The following COL14A1 variants were observed in gnomAD, a reference collection of about 807,000 sequenced individuals.
The protein encoded by COL14A1 is collagen alpha-1(XIV) chain.
A neutral mutation model predicts 230.3 loss-of-function variants in COL14A1; 136 were observed. The ratio of observed to expected loss-of-function variants is 0.59; its 90% confidence interval spans 0.51 to 0.68. The LOEUF (loss-of-function observed/expected upper bound fraction) is 0.68, where lower values mean the gene tolerates loss of function less well. COL14A1 is among the 30% of genes least tolerant of loss of function. The pLI is 0.00. For synonymous variants in COL14A1, 792 were observed against 784.1 expected (o/e 1.01, Z -0.17); for missense variants, 1,976 against 2,215.8 (o/e 0.89, Z 2.17).
chr8:120,250,602 CTCTT>C lies in COL14A1; in HGVS notation c.2603-10_2603-7del, dbSNP rs751833122. 1 of 1,613,776 alleles carries C rather than the reference CTCTT, an allele frequency of 6.2e-7. No homozygotes were observed. On this transcript the variant is annotated splice_polypyrimidine_tract_variant and intron_variant, in intron 21 of 47. Coordinates refer to ENST00000297848, the MANE Select transcript of COL14A1 (RefSeq NM_021110.4). ...TATTTTGTTGTAACTAAAATATATCCTCTTTCTTCTTTAGTTCCTGGTCCAACAC... is the reference window on the plus strand; with the variant it reads ...TATTTTGTTGTAACTAAAATATATCCTCTTCTTTAGTTCCTGGTCCAACAC...
chr8:120,212,812 T>C (rs1817651681), intron 13 of COL14A1, among the ~76,000 whole-genome samples: 1 of 152,184 alleles, frequency 6.6e-6, no homozygotes, highest in Non-Finnish European at 1.5e-5. Flanking sequence ...CCTATGTCTT[T>C]CTTTGTCTAA....
intron 1 of COL14A1, among the ~76,000 whole-genome samples, chr8:120,144,379 A>G (rs1815017894): frequency 6.6e-6 from 1 of 152,196 alleles, no homozygotes. Context: ...AATTATTTCT[A>G]TATTTCAAAG....
At chr8:120,200,069 C>CTATATATAT (rs1817184462) in intron 8 of COL14A1, among the ~76,000 whole-genome samples, 2 of 37,000 alleles carry the variant, frequency 5.4e-5, no homozygotes, top group African/African-American at 4.7e-4. Context: ...ATATAGATAG[C>CTATATATAT]ATACATTCAG....
intron 5 of COL14A1, among the ~76,000 whole-genome samples, chr8:120,179,967 T>C (rs1240639340): frequency 1.3e-5 from 2 of 152,198 alleles, no homozygotes; most frequent in African/African-American, 2.4e-5. Flanking sequence ...TCCTATTTAA[T>C]GGTGTTGGGA....
At chr8:120,308,336 G>A (rs377153107) in intron 36 of COL14A1, among the ~76,000 whole-genome samples, 16 of 152,146 alleles carry the variant, frequency 1.1e-4, no homozygotes, top group Admixed American at 4.6e-4. Flanking sequence ...TTAAATTTCC[G>A]GTAATAAAAG....
intron 1 of COL14A1, among the ~76,000 whole-genome samples, chr8:120,143,658 C>A (rs1334792500): frequency 2.6e-5 from 4 of 151,872 alleles, no homozygotes; most frequent in Admixed American, 6.6e-5. Flanking sequence ...ACACAAAAAA[C>A]TTGGGATTTA....
intron 37 of COL14A1, among the ~76,000 whole-genome samples, chr8:120,311,538 GT>G (rs1821036860): frequency 6.6e-6 from 1 of 152,186 alleles, no homozygotes; most frequent in Admixed American, 6.5e-5. Flanking sequence ...CAAGTGAGTA[GT>G]GGTTTTTGGA....
chr8:120,357,553 C>T (rs1823029517), intron 45 of COL14A1, among the ~76,000 whole-genome samples: 1 of 152,078 alleles, frequency 6.6e-6, no homozygotes, highest in Non-Finnish European at 1.5e-5. Context: ...GAGAGGAATT[C>T]GGCTGTACAC....
rs375388841 is a variant in COL14A1 at position 120,199,468 on chromosome 8, C to A, written c.779C>A (p.Ser260Tyr). ...GAAGCAGGATCAAGGACTGGAGTAT[C>A]CAAAATTGGCATTTTAATCACAGAT... ...KPEAGSRTGV[S>Y]KIGILITDGK... The change falls in exon 8 of 48, where the codon TCC becomes TAC. Residue 260 changes from serine (S) to tyrosine (Y), a missense_variant. Coordinates refer to ENST00000297848, the MANE Select transcript of COL14A1 (RefSeq NM_021110.4). 53 of 1,612,354 alleles carry A rather than the reference C, an allele frequency of 3.3e-5. No homozygotes were observed. Among genetic ancestry groups the A allele is most frequent in the Non-Finnish European group, 4.1e-5 (48 of 1,179,390 alleles).
intron 5 of COL14A1, among the ~76,000 whole-genome samples, chr8:120,182,880 C>A (rs542491479): frequency 2.0e-5 from 3 of 151,862 alleles, no homozygotes; most frequent in African/African-American, 7.2e-5. Context: ...GCGTGTGACA[C>A]CATGCCTGGA....
chr8:120,170,884 T>C (rs1316901867), intron 5 of COL14A1, among the ~76,000 whole-genome samples: 3 of 152,126 alleles, frequency 2.0e-5, no homozygotes, highest in Admixed American at 6.5e-5. Flanking sequence ...ACTCTCTTTG[T>C]GTCTCAAGTT....
chr8:120,165,714 GCT>G (rs1435082294), intron 4 of COL14A1, among the ~76,000 whole-genome samples: 1 of 152,072 alleles, frequency 6.6e-6, no homozygotes, highest in Non-Finnish European at 1.5e-5. Context: ...TGCTTTTATA[GCT>G]CTGTGTTTTA....
chr8:120,204,749 G>C (rs1053211057), intron 9 of COL14A1, among the ~76,000 whole-genome samples: 4 of 152,174 alleles, frequency 2.6e-5, no homozygotes, highest in African/African-American at 9.7e-5. Flanking sequence ...TTTTCATTAA[G>C]ACTGGCCTCC....
chr8:120,347,502 C>T (rs1563397), intron 45 of COL14A1, among the ~76,000 whole-genome samples: 69,369 of 151,908 alleles, frequency 0.46, 16,148 homozygotes, highest in African/African-American at 0.56. Context: ...CAAGGGGCTC[C>T]TCATTCCCGG....
chr8:120,282,171 C>T (rs1219232363), intron 31 of COL14A1, among the ~76,000 whole-genome samples: 2 of 152,116 alleles, frequency 1.3e-5, no homozygotes, highest in African/African-American at 4.8e-5. Context: ...ATGATGAGTT[C>T]ATGTCCTTTG....
intron 5 of COL14A1, among the ~76,000 whole-genome samples, 159 bp downstream of exon 5, chr8:120,168,406 G>A (rs1194225728): frequency 1.3e-5 from 2 of 152,098 alleles, no homozygotes; most frequent in Non-Finnish European, 2.9e-5. Context: ...TCCCACACAA[G>A]ATGACCCCCA....
intron 39 of COL14A1, 90 bp downstream of exon 39, chr8:120,315,676 A>G: frequency 9.0e-7 from 1 of 1,115,414 alleles, no homozygotes; most frequent in Non-Finnish European, 1.3e-6. Context: ...GTCAGTTGTG[A>G]TCTTGGTAAG....
At chr8:120,339,069 C>T (rs1822188943) in intron 42 of COL14A1, among the ~76,000 whole-genome samples, 1 of 152,212 alleles carries the variant, frequency 6.6e-6, no homozygotes, top group Non-Finnish European at 1.5e-5. Context: ...AGTGATTCTC[C>T]TGCCTCAGCC....
chr8:120,206,665 A>G (rs1268734408), intron 9 of COL14A1, among the ~76,000 whole-genome samples: 1 of 152,136 alleles, frequency 6.6e-6, no homozygotes, highest in Non-Finnish European at 1.5e-5. Context: ...GTTTGTTTTT[A>G]TTATTTATTA....
Sources: gnomAD v4.1 joint callset for allele counts (sites outside exome capture counted in the v4.1 genomes callset) on GRCh38, gnomAD v4.1.1 for gene constraint, MANE v1.5 for transcripts, NCBI Gene and HGNC (gene_info 2026-07-23, HGNC 2026-07-21) for gene names.